Variants in FGF13 observed in about 807,000 individuals in gnomAD.
The protein encoded by FGF13 is fibroblast growth factor homologous factor 2.
Under a neutral mutation model 19.5 loss-of-function variants are expected in FGF13, and 2 were observed. The ratio of observed to expected loss-of-function variants is 0.10; its 90% confidence interval spans 0.04 to 0.32. FGF13 has a LOEUF of 0.32. Among genes scored for constraint, FGF13 ranks in the 10% least tolerant of loss-of-function variants. The pLI is 1.00. For synonymous variants in FGF13, 72 were observed against 76.9 expected (o/e 0.94, Z 0.33); for missense variants, 113 against 192.7 (o/e 0.59, Z 2.45).
chrX:138,717,534 G>C (rs1051729033), intron 1 of FGF13, among the ~76,000 whole-genome samples: 1 of 111,006 alleles, frequency 9.0e-6, no homozygotes, highest in Non-Finnish European at 1.9e-5. Context: ...AGAGTGGAAA[G>C]GGGCAGTAAC....
Position 139,192,945 on chromosome X carries a change from T to C in FGF13, c.-113+10471A>G, listed in dbSNP as rs375300221. On this transcript the variant is annotated intron_variant, in intron 1 of 2. Transcript: ENST00000421460. ...CTTGTATTATCCATGAAGGCAGGGATAGTTATCTGTTCCGCTCACTGCTGT... is the reference window on the plus strand; with the variant it reads ...CTTGTATTATCCATGAAGGCAGGGACAGTTATCTGTTCCGCTCACTGCTGT... Among the ~76,000 whole-genome samples the C allele has an allele frequency of 2.4e-4, 27 of 111,953 alleles. 1 individual carries two copies. Among genetic ancestry groups the C allele is most frequent in the Admixed American group, 1.0e-3 (11 of 10,600 alleles).
At chrX:138,732,393 C>T (rs2090238872) in intron 1 of FGF13, among the ~76,000 whole-genome samples, 1 of 112,087 alleles carries the variant, frequency 8.9e-6, no homozygotes, top group African/African-American at 3.2e-5. Context: ...GCAATGGATA[C>T]TAGTCAGCCA....
At chrX:138,737,483 G>T (rs766880813) in intron 1 of FGF13, among the ~76,000 whole-genome samples, 1 of 111,603 alleles carries the variant, frequency 9.0e-6, no homozygotes, top group South Asian at 3.8e-4. Context: ...ATTCATTTCT[G>T]CAAAGGGGCT....
chrX:138,764,241 G>T (rs887553111), intron 3 of FGF13, among the ~76,000 whole-genome samples: 1 of 112,136 alleles, frequency 8.9e-6, no homozygotes, highest in Non-Finnish European at 1.9e-5. Flanking sequence ...AACACGAGGG[G>T]CTGCTTTTCC....
intron 1 of FGF13, among the ~76,000 whole-genome samples, chrX:138,973,079 G>C (rs767526259): frequency 1.8e-5 from 2 of 111,376 alleles, no homozygotes; most frequent in African/African-American, 6.5e-5. Flanking sequence ...TGTTTCTCTA[G>C]CTCCTTGAGG....
chrX:139,144,239 G>T (rs1271754300), intron 1 of FGF13, among the ~76,000 whole-genome samples: 1 of 109,975 alleles, frequency 9.1e-6, no homozygotes, highest in Non-Finnish European at 1.9e-5. Context: ...TGTGTGAAAA[G>T]AACTCTGACC....
intron 3 of FGF13, among the ~76,000 whole-genome samples, chrX:138,794,114 G>T (rs2090760565): frequency 9.0e-6 from 1 of 111,203 alleles, no homozygotes; most frequent in African/African-American, 3.3e-5. Context: ...CAAAGTGGGG[G>T]AAATGGTGAA....
chrX:138,966,549 C>T (rs2091895848), intron 1 of FGF13, among the ~76,000 whole-genome samples: 1 of 112,384 alleles, frequency 8.9e-6, no homozygotes, highest in Non-Finnish European at 1.9e-5. Flanking sequence ...TGTATTTACC[C>T]AATGCCTGTA....
intron 1 of FGF13, among the ~76,000 whole-genome samples, chrX:139,179,364 T>C (rs768375545): frequency 9.0e-6 from 1 of 111,084 alleles, no homozygotes; most frequent in South Asian, 3.9e-4. Context: ...AGAAGATGCC[T>C]CTCTTTTCGC....
intron 1 of FGF13, among the ~76,000 whole-genome samples, chrX:139,022,813 C>T (rs1260740282): frequency 9.0e-6 from 1 of 111,449 alleles, no homozygotes; most frequent in East Asian, 2.9e-4. Context: ...CAAGCTCTGT[C>T]TTCCTTCCTT....
At chrX:139,078,706 G>A (rs1011652277) in intron 1 of FGF13, among the ~76,000 whole-genome samples, 16 of 112,444 alleles carry the variant, frequency 1.4e-4, no homozygotes, top group East Asian at 8.4e-4. Context: ...CAGTTCAAAC[G>A]TTCTCTCATA....
At chrX:139,196,643 A>G (rs2084374944) in intron 1 of FGF13, among the ~76,000 whole-genome samples, 1 of 112,057 alleles carries the variant, frequency 8.9e-6, no homozygotes, top group Admixed American at 9.5e-5. Context: ...TGTGCTGCCT[A>G]GGAAGGGAGT....
chrX:138,779,498 C>G (rs1184901929), intron 3 of FGF13, among the ~76,000 whole-genome samples: 1 of 108,664 alleles, frequency 9.2e-6, no homozygotes, highest in African/African-American at 3.4e-5. Context: ...AACCAAGGCT[C>G]GAGAACTACG....
intron 3 of FGF13, among the ~76,000 whole-genome samples, chrX:138,763,511 C>T (rs1041546619): frequency 2.7e-5 from 3 of 112,236 alleles, no homozygotes; most frequent in African/African-American, 9.7e-5. Context: ...GTCTCTTGCA[C>T]TGCAAGCAAG....
chrX:138,822,129 C>A (rs1332804037), intron 3 of FGF13, among the ~76,000 whole-genome samples: 1 of 111,893 alleles, frequency 8.9e-6, no homozygotes, highest in Non-Finnish European at 1.9e-5. Context: ...TGGTTAGAAT[C>A]AATCATTCTA....
chrX:139,104,390 C>A (rs771286000), intron 1 of FGF13, among the ~76,000 whole-genome samples: 4 of 109,545 alleles, frequency 3.7e-5, no homozygotes, highest in Non-Finnish European at 5.7e-5. Flanking sequence ...AACTTAATAG[C>A]CAGTCTATCA....
At chrX:138,845,795 C>G (rs899818559) in intron 3 of FGF13, among the ~76,000 whole-genome samples, 2 of 111,819 alleles carry the variant, frequency 1.8e-5, no homozygotes, top group African/African-American at 3.2e-5. Flanking sequence ...CATGAATCTT[C>G]TAACATGGAT....
At chrX:138,778,903 A>G (rs2090614256) in intron 3 of FGF13, among the ~76,000 whole-genome samples, 1 of 112,501 alleles carries the variant, frequency 8.9e-6, no homozygotes, top group Admixed American at 9.3e-5. Context: ...ACCTCTGCAG[A>G]CTTAAATGTC....
At chrX:138,633,246 TA>T in intron 4 of FGF13, among the ~76,000 whole-genome samples, 1 of 110,972 alleles carries the variant, frequency 9.0e-6, no homozygotes, top group Admixed American at 9.6e-5. Context: ...AAAAATACAT[TA>T]AAAAAATGGG....
Sources: gnomAD v4.1 joint callset for allele counts (sites outside exome capture counted in the v4.1 genomes callset) on GRCh38, gnomAD v4.1.1 for gene constraint, MANE v1.5 for transcripts, NCBI Gene and HGNC (gene_info 2026-07-23, HGNC 2026-07-21) for gene names.